Variants in TANC1 observed in about 807,000 individuals in gnomAD.
TANC1 encodes protein TANC1.
TANC1 carries 77 observed loss-of-function variants against 149.7 expected under a neutral mutation model. The observed-to-expected ratio is 0.51, with a 90% CI of 0.43 to 0.62. The LOEUF (loss-of-function observed/expected upper bound fraction) is 0.62. TANC1 is among the 20% of genes least tolerant of loss of function. TANC1 has a pLI of 0.00. For missense variants in TANC1, 1,985 were observed against 2,321.8 expected, an observed-to-expected ratio of 0.85 and a Z score of 2.98; for synonymous variants, 854 against 925.0, an observed-to-expected ratio of 0.92 and a Z score of 1.39.
At chr2:159,063,526 T>G (rs1351761644) in intron 2 of TANC1, among the ~76,000 whole-genome samples, 2 of 152,214 alleles carry the variant, frequency 1.3e-5, no homozygotes, top group African/African-American at 4.8e-5. Flanking sequence ...ACTTACTTTT[T>G]TCCTTTCCAG....
At chr2:159,220,018 G>GTC in intron 22 of TANC1, 151 bp downstream of exon 22, 1 of 674,182 alleles carries the variant, frequency 1.5e-6, no homozygotes, top group Non-Finnish European at 2.4e-6. Flanking sequence ...GTGTGTGTGT[G>GTC]TGTCTTGTCA....
chr2:159,089,860 T>G (rs910590421), intron 3 of TANC1, among the ~76,000 whole-genome samples: 1 of 152,210 alleles, frequency 6.6e-6, no homozygotes, highest in South Asian at 2.1e-4. Context: ...CAAGCTTGCC[T>G]CCGAGCAGTG....
chr2:159,230,905 T>C lies in TANC1; in HGVS notation c.5479T>C (p.Tyr1827His), dbSNP rs1376960396. ...NRITKTVSHL[Y>H]QESISKQQPH... The stretch of plus-strand genomic sequence containing the variant: ...GATAACTAAGACTGTTTCTCATCTG[T>C]ACCAGGAAAGTATCTCCAAACAGCA... The change falls in exon 27 of 27, where the codon TAC (tyrosine) becomes CAC (histidine). Residue 1827 changes from tyrosine to histidine, a missense_variant. Tyr to His is a moderately conservative substitution (Grantham distance 83, BLOSUM62 2). This residue lies in a region of TANC1 where 920 missense variants were observed against 994.7 expected (regional missense o/e 0.92). Transcript: ENST00000263635. The surrounding 1 kb of genome is among the most constrained non-coding windows in gnomAD (Gnocchi z 4.4). 8 of 1,614,200 alleles carry C rather than the reference T, an allele frequency of 5.0e-6. No individual in the cohort carries two copies. The highest frequency in any genetic ancestry group is 6.8e-6 in the Non-Finnish European group (8 of 1,180,036).
At chr2:158,979,892 G>A (rs954362266) in intron 1 of TANC1, among the ~76,000 whole-genome samples, 1 of 152,164 alleles carries the variant, frequency 6.6e-6, no homozygotes, top group Non-Finnish European at 1.5e-5. Flanking sequence ...ATGTTAAAGA[G>A]TAAACATATT....
intron 22 of TANC1, among the ~76,000 whole-genome samples, 153 bp downstream of exon 22, chr2:159,220,020 G>T (rs1049938104): frequency 2.1e-5 from 3 of 144,054 alleles, no homozygotes; most frequent in Non-Finnish European, 4.6e-5. Context: ...GTGTGTGTGT[G>T]TCTTGTCAGG....
At chr2:159,189,500 A>T (rs548210811) in intron 16 of TANC1, among the ~76,000 whole-genome samples, 24 of 152,366 alleles carry the variant, frequency 1.6e-4, no homozygotes, top group African/African-American at 5.3e-4. Context: ...ATGTTTATTT[A>T]ACATGTACAG....
chr2:159,010,853 A>T lies in TANC1; in HGVS notation c.-16+9664A>T, dbSNP rs138918790. Among the ~76,000 whole-genome samples, 316 of 152,148 alleles carry T rather than the reference A, an allele frequency of 2.1e-3. 1 individual carries two copies. The highest frequency in any genetic ancestry group is 7.0e-3 in the African/African-American group (290 of 41,504). On this transcript the variant is annotated intron_variant, in intron 2 of 26. Coordinates refer to ENST00000263635, the MANE Select transcript of TANC1 (RefSeq NM_033394.3). ...GAAAGGTTTATTGGAATAATCTCCT[A>T]AAGACCATTCTGCTTTTGAATCTGT...
chr2:159,089,093 C>T, intron 3 of TANC1, among the ~76,000 whole-genome samples: 1 of 152,116 alleles, frequency 6.6e-6, no homozygotes, highest in Middle Eastern at 3.2e-3. Flanking sequence ...ATACAGAGGC[C>T]GACTCCAGGG....
rs189459754 is a variant in TANC1 at position 159,007,646 on chromosome 2, C to T, written c.-16+6457C>T. On this transcript the variant is annotated intron_variant, in intron 2 of 26. Coordinates refer to ENST00000263635, the MANE Select transcript of TANC1 (RefSeq NM_033394.3). ...GTAAGTACACTCTGTGATGTTCATA[C>T]GGCAAAATCTCCTGACACATTTCTC... Among the ~76,000 whole-genome samples the T allele has an allele frequency of 7.1e-4, 108 of 152,308 alleles. 1 individual carries two copies. The highest frequency in any genetic ancestry group is 2.2e-3 in the African/African-American group (90 of 41,566).
At chr2:159,010,260 AC>A (rs1355152305) in intron 2 of TANC1, among the ~76,000 whole-genome samples, 1 of 152,220 alleles carries the variant, frequency 6.6e-6, no homozygotes, top group African/African-American at 2.4e-5. Context: ...CATAAAAAAG[AC>A]TTAGTCACTT....
At chr2:159,163,718 A>G (rs532572052) in intron 8 of TANC1, among the ~76,000 whole-genome samples, 172 bp downstream of exon 8, 1 of 152,322 alleles carries the variant, frequency 6.6e-6, no homozygotes, top group African/African-American at 2.4e-5. Context: ...ATAAGGCTGT[A>G]CTTAATGGTC....
intron 2 of TANC1, among the ~76,000 whole-genome samples, chr2:159,008,992 A>G (rs2149366074): frequency 6.6e-6 from 1 of 152,272 alleles, no homozygotes; most frequent in South Asian, 2.1e-4. Flanking sequence ...TTAGTTTCCT[A>G]TTGATCTTGG....
At chr2:159,173,791 C>G (rs137981192) in intron 11 of TANC1, among the ~76,000 whole-genome samples, 1 of 152,274 alleles carries the variant, frequency 6.6e-6, no homozygotes, top group African/African-American at 2.4e-5. Flanking sequence ...AGCCAGCTTT[C>G]CTCTGTTGAT....
intron 5 of TANC1, among the ~76,000 whole-genome samples, chr2:159,147,290 G>T (rs573930153): frequency 6.6e-6 from 1 of 152,316 alleles, no homozygotes; most frequent in Admixed American, 6.5e-5. Context: ...GGGAAGGGGG[G>T]TGTGGAGTGG....
intron 2 of TANC1, among the ~76,000 whole-genome samples, chr2:159,059,929 T>TGTGTG (rs1302432324): frequency 7.6e-6 from 1 of 132,076 alleles, no homozygotes; most frequent in Non-Finnish European, 1.6e-5. Context: ...TGTGTGTGTG[T>TGTGTG]GGTTTTTTGT....
At chr2:158,991,747 A>G (rs2035655343) in intron 1 of TANC1, among the ~76,000 whole-genome samples, 1 of 152,076 alleles carries the variant, frequency 6.6e-6, no homozygotes, top group South Asian at 2.1e-4. Flanking sequence ...CTCTGTCTCA[A>G]AAAAGAAAGA....
At chr2:159,205,837 G>A (rs2058567496) in intron 19 of TANC1, among the ~76,000 whole-genome samples, 1 of 152,244 alleles carries the variant, frequency 6.6e-6, no homozygotes, top group Non-Finnish European at 1.5e-5. Flanking sequence ...TGGAAGGAAA[G>A]CGTTTGCCCA....
intron 13 of TANC1, among the ~76,000 whole-genome samples, chr2:159,177,230 G>A (rs932618980): frequency 3.3e-5 from 5 of 152,022 alleles, no homozygotes; most frequent in African/African-American, 1.2e-4. Flanking sequence ...CATTTTTAAG[G>A]CCTATTCCCA....
At chr2:159,207,720 A>C (rs1427030374) in intron 19 of TANC1, among the ~76,000 whole-genome samples, 4 of 148,424 alleles carry the variant, frequency 2.7e-5, no homozygotes, top group African/African-American at 5.1e-5. Flanking sequence ...AAAAAAAAAA[A>C]AAAAAAACAA....
Sources: allele counts gnomAD v4.1 joint callset (sites outside exome capture counted in the v4.1 genomes callset), GRCh38; gene constraint gnomAD v4.1.1; regional missense constraint gnomAD v4.1.1; non-coding constraint Gnocchi (gnomAD v3.1); transcripts MANE v1.5; gene names NCBI Gene and HGNC (gene_info 2026-07-23, HGNC 2026-07-21).